The following CDK14 variants were observed in gnomAD, a reference collection of about 807,000 sequenced individuals.
The protein encoded by CDK14 is cyclin-dependent kinase 14.
Under a neutral mutation model 60.7 loss-of-function variants are expected in CDK14, and 34 were observed. The ratio of observed to expected loss-of-function variants is 0.56; its 90% CI spans 0.43 to 0.75. The LOEUF (loss-of-function observed/expected upper bound fraction) is 0.75, where lower values mean the gene tolerates loss of function less well. CDK14 is among the 30% of genes least tolerant of loss of function. CDK14 has a pLI of 0.00. For missense variants in CDK14, 482 were observed against 564.1 expected (o/e 0.85, Z 1.47); for synonymous variants, 197 against 203.7 (o/e 0.97, Z 0.28).
At chr7:90,659,799 G>A (rs907821627) in intron 2 of CDK14, among the ~76,000 whole-genome samples, 2 of 151,056 alleles carry the variant, frequency 1.3e-5, no homozygotes, top group Admixed American at 6.6e-5. Flanking sequence ...GCAGTCTGGG[G>A]TTTTTGGAGG....
In CDK14 at chr7:91,073,183, C is replaced by A. The variant is rs528097358; in HGVS notation, c.1106-6249C>A. On this transcript the variant is annotated intron_variant, in intron 11 of 14. Coordinates refer to ENST00000380050, the MANE Select transcript of CDK14 (RefSeq NM_001287135.2). ...AAATACAGAGAACACCATAAAGATA[C>A]CAACCCCAAGACACATGATCAACAG... Among the ~76,000 whole-genome samples, 17 of 150,806 alleles carry A rather than the reference C, an allele frequency of 1.1e-4. No individual in the cohort carries two copies. The East Asian group carries it at 3.3e-3, about 30-fold the overall frequency.
intron 11 of CDK14, among the ~76,000 whole-genome samples, chr7:91,061,107 T>C (rs1488665288): frequency 6.6e-6 from 1 of 152,208 alleles, no homozygotes; most frequent in African/African-American, 2.4e-5. Flanking sequence ...TTCTTTGTAT[T>C]CTTTTTTCTC....
Position 90,825,698 on chromosome 7 carries a change from G to T in CDK14, c.544+35046G>T, listed in dbSNP as rs558527377. 8.5e-5 allele frequency among the ~76,000 whole-genome samples: 13 copies of T among 152,284 alleles called. No individual in the cohort carries two copies. The East Asian group carries it at 2.5e-3, about 29-fold the overall frequency. On this transcript the variant is annotated intron_variant, in intron 5 of 14. Transcript: ENST00000380050. ...TATTTCTTACTAACATAATTTCAGG[G>T]TAGTGTGAAGCTCAATTTTAGGGAT...
chr7:90,634,405 G>A (rs989695863), intron 2 of CDK14, among the ~76,000 whole-genome samples: 1 of 150,544 alleles, frequency 6.6e-6, no homozygotes. Flanking sequence ...TTGTCCTTGC[G>A]ATAGTTTACT....
At chr7:91,074,999 G>T (rs183035687) in intron 11 of CDK14, among the ~76,000 whole-genome samples, 2 of 152,008 alleles carry the variant, frequency 1.3e-5, no homozygotes, top group Non-Finnish European at 2.9e-5. Flanking sequence ...GCAGTAATTC[G>T]TAGCCTACAA....
chr7:90,782,376 A>ACTTCCTCTTTTCCT (rs1213716762), intron 4 of CDK14, among the ~76,000 whole-genome samples: 2 of 152,098 alleles, frequency 1.3e-5, no homozygotes, highest in African/African-American at 4.8e-5. Context: ...GGACAATTTG[A>ACTTCCTCTTTTCCT]CTTCCTCTTT....
In CDK14 at chr7:90,757,252, CTGTG is replaced by C. The variant is rs3038184; in HGVS notation, c.464+9483_464+9486del. 3.1e-3 allele frequency among the ~76,000 whole-genome samples: 391 copies of C among 125,436 alleles called. 13 individuals carry two copies. The East Asian group carries it at 0.067, about 22-fold the overall frequency. 82.3% of individuals were successfully genotyped at this position (125,436 alleles called of 152,430 possible). On this transcript the variant is annotated intron_variant, in intron 4 of 14. Transcript: ENST00000380050. ...TGTGTGTGTGTGTGTGTGTGTGTGT[CTGTG>C]TGTGTCTGTGTCCAAGTTTTCCCTT...
intron 9 of CDK14, among the ~76,000 whole-genome samples, chr7:90,971,152 G>GT (rs1562850707): frequency 0.016 from 736 of 47,468 alleles, 18 homozygotes; most frequent in African/African-American, 0.024. Context: ...GAGAACATGT[G>GT]GTTTTTTTTT....
intron 5 of CDK14, among the ~76,000 whole-genome samples, chr7:90,792,862 A>G (rs17163209): frequency 0.18 from 27,883 of 151,948 alleles, 2,678 homozygotes; most frequent in South Asian, 0.24. Context: ...CAAACATGCT[A>G]TAGAGTTTCC....
intron 12 of CDK14, among the ~76,000 whole-genome samples, chr7:91,099,915 T>C (rs1347446051): frequency 6.6e-6 from 1 of 152,152 alleles, no homozygotes; most frequent in Non-Finnish European, 1.5e-5. Flanking sequence ...TTTTAAGTAT[T>C]CTGCAAACCT....
chr7:91,145,305 T>C (rs1343571938), intron 14 of CDK14, among the ~76,000 whole-genome samples: 1 of 152,230 alleles, frequency 6.6e-6, no homozygotes, highest in Non-Finnish European at 1.5e-5. Flanking sequence ...GGCTGAAATT[T>C]AAATTAATAA....
chr7:90,723,489 A>G (rs1016921065), intron 2 of CDK14, among the ~76,000 whole-genome samples: 2 of 152,266 alleles, frequency 1.3e-5, no homozygotes, highest in Middle Eastern at 3.4e-3. Flanking sequence ...GGCTTTCCCC[A>G]GGTCTGGTGA....
intron 5 of CDK14, among the ~76,000 whole-genome samples, chr7:90,831,261 CAT>C (rs1161808596): frequency 1.3e-5 from 2 of 152,140 alleles, no homozygotes; most frequent in Non-Finnish European, 2.9e-5. Flanking sequence ...CCTCAGGAAA[CAT>C]ATAATCATTG....
chr7:91,047,838 A>T (rs1797284533), intron 11 of CDK14, among the ~76,000 whole-genome samples: 1 of 152,104 alleles, frequency 6.6e-6, no homozygotes, highest in Non-Finnish European at 1.5e-5. Context: ...AAAGGAAACA[A>T]ATTTCCAAGT....
intron 2 of CDK14, among the ~76,000 whole-genome samples, chr7:90,614,440 G>C (rs1352071556): frequency 1.1e-5 from 1 of 87,306 alleles, no homozygotes; most frequent in Non-Finnish European, 2.4e-5. Context: ...CGTCTTAAAG[G>C]AGCTTTCATC....
At chr7:90,848,016 T>A (rs1239765502) in intron 5 of CDK14, among the ~76,000 whole-genome samples, 1 of 152,206 alleles carries the variant, frequency 6.6e-6, no homozygotes, top group African/African-American at 2.4e-5. Context: ...GTTTCATGCA[T>A]TAATTAACGT....
chr7:90,642,946 G>C (rs914906079), intron 2 of CDK14, among the ~76,000 whole-genome samples: 11 of 152,190 alleles, frequency 7.2e-5, no homozygotes, highest in African/African-American at 2.7e-4. Flanking sequence ...ACTTGTACCA[G>C]ATACTGGAGA....
chr7:90,991,627 A>G (rs190840709), intron 10 of CDK14, among the ~76,000 whole-genome samples: 2 of 152,332 alleles, frequency 1.3e-5, no homozygotes, highest in Admixed American at 6.5e-5. Context: ...CACACTGCTC[A>G]TGTAGTTTGT....
chr7:90,646,874 C>T (rs1223198734), intron 2 of CDK14, among the ~76,000 whole-genome samples: 1 of 151,996 alleles, frequency 6.6e-6, no homozygotes, highest in Admixed American at 6.6e-5. Context: ...GTTTTGTTAA[C>T]AACTAAATAT....
Sources: gnomAD v4.1 joint callset for allele counts (sites outside exome capture counted in the v4.1 genomes callset) on GRCh38, gnomAD v4.1.1 for gene constraint, MANE v1.5 for transcripts, NCBI Gene and HGNC (gene_info 2026-07-23, HGNC 2026-07-21) for gene names.